The following KCNH7 variants were observed in gnomAD, a reference collection of about 807,000 sequenced individuals.
The protein encoded by KCNH7 is potassium voltage-gated channel subfamily H member 7, also known as voltage-gated inwardly rectifying potassium channel KCNH7.
KCNH7 carries 49 observed loss-of-function variants against 120.8 expected under a neutral mutation model. The ratio of observed to expected loss-of-function variants is 0.41; its 90% CI spans 0.32 to 0.51. KCNH7 has a LOEUF of 0.51. Ranked by LOEUF, KCNH7 falls within the 20% of genes least tolerant of loss-of-function variation. KCNH7 has a pLI of 0.38. For synonymous variants in KCNH7, 547 were observed against 516.1 expected (o/e 1.06, Z -0.81); for missense variants, 1,097 against 1,446.6 (o/e 0.76, Z 3.92).
chr2:162,452,242 T>A (rs1688799863), intron 6 of KCNH7, among the ~76,000 whole-genome samples: 1 of 152,074 alleles, frequency 6.6e-6, no homozygotes, highest in Non-Finnish European at 1.5e-5. Flanking sequence ...ACTATTTATT[T>A]ATAATAAACT....
At chr2:162,820,209 T>TTGTGTGTGTGTGTG (rs71410049) in intron 2 of KCNH7, among the ~76,000 whole-genome samples, 10,711 of 99,534 alleles carry the variant, frequency 0.11, 911 homozygotes, top group Non-Finnish European at 0.13. Context: ...CCGGCTAATT[T>TTGTGTGTGTGTGTG]TGTGTGTGTG....
intron 2 of KCNH7, among the ~76,000 whole-genome samples, chr2:162,825,697 TG>T (rs978139638): frequency 6.6e-6 from 1 of 152,086 alleles, no homozygotes; most frequent in Non-Finnish European, 1.5e-5. Context: ...TAATAATTGT[TG>T]GTAATATTCT....
chr2:162,430,308 T>C (rs1688021530), intron 8 of KCNH7, among the ~76,000 whole-genome samples: 1 of 152,096 alleles, frequency 6.6e-6, no homozygotes, highest in African/African-American at 2.4e-5. Flanking sequence ...ATTTCTTTGC[T>C]GGGTTTTTGG....
At chr2:162,375,098 C>T (rs1008200394) in intron 14 of KCNH7, among the ~76,000 whole-genome samples, 4 of 152,014 alleles carry the variant, frequency 2.6e-5, no homozygotes, top group Admixed American at 6.6e-5. Context: ...CCTTATTTAC[C>T]CCATTCAGAA....
At chr2:162,762,959 C>A (rs1300043531) in intron 2 of KCNH7, among the ~76,000 whole-genome samples, 1 of 152,012 alleles carries the variant, frequency 6.6e-6, no homozygotes, top group Non-Finnish European at 1.5e-5. Flanking sequence ...GAAGAACCTT[C>A]AGCCAGTAAA....
intron 2 of KCNH7, among the ~76,000 whole-genome samples, chr2:162,608,084 G>A (rs1455886568): frequency 6.6e-6 from 1 of 152,004 alleles, no homozygotes; most frequent in Non-Finnish European, 1.5e-5. Flanking sequence ...TAGTAGTTGC[G>A]GGTGTACTTG....
intron 6 of KCNH7, among the ~76,000 whole-genome samples, chr2:162,494,534 G>A (rs1309808420): frequency 6.6e-6 from 1 of 152,078 alleles, no homozygotes; most frequent in East Asian, 1.9e-4. Flanking sequence ...TTCCAAAATT[G>A]TATGGGATGT....
intron 3 of KCNH7, among the ~76,000 whole-genome samples, chr2:162,535,912 C>T (rs567503726): frequency 3.3e-5 from 5 of 151,672 alleles, no homozygotes; most frequent in South Asian, 4.2e-4. Flanking sequence ...AAATTACTGG[C>T]GAAAAGATAG....
In KCNH7 at chr2:162,640,074, G is replaced by C. The variant is rs556231270; in HGVS notation, c.308-102994C>G. Among the ~76,000 whole-genome samples the C allele has an allele frequency of 3.3e-5, 5 of 152,212 alleles. No homozygotes were observed. The South Asian group carries it at 1.0e-3, about 32-fold the overall frequency. The stretch of plus-strand genomic sequence containing the variant: ...ATATTTAAATAAATGTAGTGACAAA[G>C]TGTGTTCATGGATTGGAAGACTCAA... On this transcript the variant is annotated intron_variant, in intron 2 of 15. Coordinates refer to ENST00000332142, the MANE Select transcript of KCNH7 (RefSeq NM_033272.4).
intron 2 of KCNH7, among the ~76,000 whole-genome samples, chr2:162,567,746 T>A (rs1559019128): frequency 6.6e-6 from 1 of 152,002 alleles, no homozygotes; most frequent in Non-Finnish European, 1.5e-5. Flanking sequence ...ATTTGGATAA[T>A]ACAAATGTAT....
At chr2:162,390,568 C>G (rs1001372247) in intron 12 of KCNH7, among the ~76,000 whole-genome samples, 4 of 151,850 alleles carry the variant, frequency 2.6e-5, no homozygotes, top group Non-Finnish European at 4.4e-5. Context: ...GTCATTGAAG[C>G]CTCATTTTTA....
intron 6 of KCNH7, among the ~76,000 whole-genome samples, chr2:162,473,589 C>A (rs929617400): frequency 6.6e-6 from 1 of 152,062 alleles, no homozygotes; most frequent in Non-Finnish European, 1.5e-5. Flanking sequence ...AAAAAACTCC[C>A]AAATCATTTA....
At chr2:162,530,089 T>C (rs1691863195) in intron 3 of KCNH7, among the ~76,000 whole-genome samples, 2 of 151,926 alleles carry the variant, frequency 1.3e-5, no homozygotes, top group Non-Finnish European at 2.9e-5. Context: ...TGCTCACTTT[T>C]CTTGTGTAGA....
chr2:162,821,086 T>C (rs184506313), intron 2 of KCNH7, among the ~76,000 whole-genome samples: 77 of 152,178 alleles, frequency 5.1e-4, no homozygotes, highest in African/African-American at 1.8e-3. Flanking sequence ...CTAACACATA[T>C]AACTAAGGCC....
intron 2 of KCNH7, among the ~76,000 whole-genome samples, chr2:162,654,816 C>T (rs1684687008): frequency 1.3e-5 from 2 of 152,080 alleles, no homozygotes; most frequent in South Asian, 4.1e-4. Flanking sequence ...GAAGGAAATT[C>T]TTGTCATTTG....
chr2:162,525,280 T>C (rs1055164709), intron 3 of KCNH7, among the ~76,000 whole-genome samples: 10 of 151,970 alleles, frequency 6.6e-5, no homozygotes. Context: ...GTCAGTGCTG[T>C]AGCAAGGCTT....
At chr2:162,813,076 C>T (rs1354827495) in intron 2 of KCNH7, among the ~76,000 whole-genome samples, 6 of 152,038 alleles carry the variant, frequency 3.9e-5, no homozygotes. Context: ...CTCTATTCTC[C>T]CTCTGAAATT....
rs563189095 is a variant in KCNH7, at chr2:162,446,877, A to G, written c.1129-434T>C. Among the ~76,000 whole-genome samples, 7 of 152,250 alleles carry G rather than the reference A, an allele frequency of 4.6e-5. No homozygotes were observed. In the South Asian group the frequency reaches 1.5e-3, roughly 32 times the overall value. On this transcript the variant is annotated intron_variant, in intron 6 of 15. Coordinates refer to ENST00000332142, the MANE Select transcript of KCNH7 (RefSeq NM_033272.4). ...GCAGTCTACTTGGATCCATGGTCACATTTAATTTACATATATTTAATTTAT... is the reference window on the plus strand; with the variant it reads ...GCAGTCTACTTGGATCCATGGTCACGTTTAATTTACATATATTTAATTTAT...
At chr2:162,526,614 C>T (rs1003866149) in intron 3 of KCNH7, among the ~76,000 whole-genome samples, 6 of 151,968 alleles carry the variant, frequency 3.9e-5, no homozygotes, top group African/African-American at 1.2e-4. Flanking sequence ...AGAAATATGG[C>T]TCTGTTCCGC....
Sources: allele counts gnomAD v4.1 joint callset (sites outside exome capture counted in the v4.1 genomes callset), GRCh38; gene constraint gnomAD v4.1.1; transcripts MANE v1.5; gene names NCBI Gene and HGNC (gene_info 2026-07-23, HGNC 2026-07-21).